The following PCDHA8 variants were observed in gnomAD, a reference collection of about 807,000 sequenced individuals.
The protein encoded by PCDHA8 is protocadherin alpha-8.
In PCDHA8, 53 loss-of-function variants were observed where a neutral mutation model predicts 61.8. That is an observed-to-expected ratio of 0.86 (90% CI 0.69 to 1.08). The LOEUF is 1.08. Among genes scored for constraint, PCDHA8 ranks in the 50% least tolerant of loss-of-function variants. PCDHA8 has a pLI of 0.00. For synonymous variants in PCDHA8, 618 were observed against 556.6 expected (o/e 1.11, Z -1.55); for missense variants, 1,293 against 1,245.0 (o/e 1.04, Z -0.58).
rs186179297 is a variant in PCDHA8, at chr5:140,987,139, G to A, written c.2542+4576G>A. Among the ~76,000 whole-genome samples the A allele has an allele frequency of 5.1e-4, 78 of 151,932 alleles. 3 individuals are homozygous for A. The East Asian group carries it at 0.014, about 28-fold the overall frequency. On this transcript the variant is annotated intron_variant, in intron 3 of 3. Transcript: ENST00000531613. The stretch of plus-strand genomic sequence containing the variant: ...TGAGGCAGGAGAATTGCTTGAACTC[G>A]GGAGGTGGAGGTTGCAGTGAGCTGA...
At chr5:140,928,452 G>T in intron 1 of PCDHA8, 3 of 1,614,126 alleles carry the variant, frequency 1.9e-6, no homozygotes, top group Non-Finnish European at 2.5e-6. Flanking sequence ...AGCTCAGGGG[G>T]TTTCATTTCC....
chr5:140,980,575 A>C (rs901433332), intron 2 of PCDHA8, among the ~76,000 whole-genome samples: 3 of 152,296 alleles, frequency 2.0e-5, no homozygotes, highest in Admixed American at 1.3e-4. Context: ...AGTTGCAGTG[A>C]GCCAAGATCG....
intron 1 of PCDHA8, chr5:140,875,355 T>A: frequency 6.9e-7 from 1 of 1,446,356 alleles, no homozygotes; most frequent in African/African-American, 1.4e-5. Context: ...ATGACTGTGA[T>A]GCTGGAAAAA....
At chr5:140,857,963 A>G (rs630162) in intron 1 of PCDHA8, 997,914 of 1,595,004 alleles carry the variant, frequency 0.63, 344,648 homozygotes, top group African/African-American at 0.69. Context: ...TCTGGATGAG[A>G]CTGACTCGCC....
chr5:140,883,859 T>C (rs1554180306), intron 1 of PCDHA8: 12 of 1,613,116 alleles, frequency 7.4e-6, no homozygotes, highest in East Asian at 2.2e-5. Context: ...GCTGGAGCTG[T>C]TGCAGTTCCA....
rs1366864610 is a variant in PCDHA8 at position 141,006,125 on chromosome 5, G to A, written c.2543-3502G>A. ...AAGGAGTTTTTTTTTTTTTTCTCAA[G>A]GCAGTAGAAAGCTTAAGCAGAGGAG... On this transcript the variant is annotated intron_variant, in intron 3 of 3. Transcript: ENST00000531613. 4.7e-5 allele frequency among the ~76,000 whole-genome samples: 7 copies of A among 149,644 alleles called. No individual in the cohort carries two copies. The South Asian group carries it at 1.3e-3, about 27-fold the overall frequency.
intron 1 of PCDHA8, among the ~76,000 whole-genome samples, chr5:140,948,814 A>G (rs1284322137): frequency 1.3e-5 from 2 of 151,134 alleles, no homozygotes; most frequent in African/African-American, 4.8e-5. Context: ...TTTGGTTTCT[A>G]TTTCATTAAT....
At chr5:141,005,861 C>T (rs921854027) in intron 3 of PCDHA8, among the ~76,000 whole-genome samples, 2 of 151,860 alleles carry the variant, frequency 1.3e-5, no homozygotes, top group Admixed American at 6.6e-5. Flanking sequence ...ACAGGAGGGT[C>T]GATTGAGTCC....
At chr5:140,910,619 C>T (rs1554194336) in intron 1 of PCDHA8, among the ~76,000 whole-genome samples, 1 of 152,226 alleles carries the variant, frequency 6.6e-6, no homozygotes, top group Non-Finnish European at 1.5e-5. Context: ...TAATCCACTC[C>T]ACCATCCCAA....
intron 1 of PCDHA8, chr5:140,848,468 C>A: frequency 6.5e-7 from 1 of 1,547,824 alleles, no homozygotes; most frequent in African/African-American, 1.4e-5. Context: ...GCAATTTTCA[C>A]TAATTAGAAG....
At chr5:140,917,326 G>GT (rs1425389614) in intron 1 of PCDHA8, among the ~76,000 whole-genome samples, 1 of 149,490 alleles carries the variant, frequency 6.7e-6, no homozygotes, top group Non-Finnish European at 1.5e-5. Flanking sequence ...TCATGTGGCG[G>GT]GGGAGGGGGG....
chr5:140,954,441 G>A (rs1411694581), intron 1 of PCDHA8, among the ~76,000 whole-genome samples: 2 of 151,498 alleles, frequency 1.3e-5, no homozygotes, highest in Non-Finnish European at 3.0e-5. Flanking sequence ...TGTTGTTTCT[G>A]GACTTGTTAA....
chr5:140,929,020 A>C (rs1183262810), intron 1 of PCDHA8: 6 of 1,614,070 alleles, frequency 3.7e-6, no homozygotes, highest in Non-Finnish European at 5.1e-6. Flanking sequence ...GTTGCACCAG[A>C]GCCCAGGCTG....
chr5:140,900,151 G>A lies in PCDHA8; in HGVS notation c.2394+56436G>A, dbSNP rs114795695. On this transcript the variant is annotated intron_variant, in intron 1 of 3. Coordinates refer to ENST00000531613, the MANE Select transcript of PCDHA8 (RefSeq NM_018911.3). ...GTACCACAAATAAGTAAGAACATAC[G>A]ATATTTGTCTTTCTGTGCCTGGTTT... is the stretch of plus-strand genomic sequence containing the variant. Among the ~76,000 whole-genome samples, 787 of 152,242 alleles carry A rather than the reference G, an allele frequency of 5.2e-3. 9 individuals carry two copies. Among genetic ancestry groups the A allele is most frequent in the African/African-American group, 0.018 (746 of 41,554 alleles).
intron 1 of PCDHA8, chr5:140,857,742 T>A (rs375305711): frequency 1.3e-6 from 2 of 1,597,392 alleles, no homozygotes; most frequent in Non-Finnish European, 1.7e-6. Flanking sequence ...CCCGCGCTGC[T>A]GGCGTCTCCC....
In PCDHA8 at chr5:141,009,987, A is replaced by C. The variant is rs2154001821; in HGVS notation, c.*50A>C. The C allele has an allele frequency of 6.3e-7, 1 of 1,580,396 alleles. No individual in the cohort carries two copies. Among genetic ancestry groups the C allele is most frequent in the East Asian group, 2.2e-5 (1 of 44,670 alleles). On this transcript the variant is annotated 3_prime_UTR_variant, in exon 4 of 4. Coordinates refer to ENST00000531613, the MANE Select transcript of PCDHA8 (RefSeq NM_018911.3). The stretch of plus-strand genomic sequence containing the variant: ...TTAGCCAGTTTTTGTAATAATGGCA[A>C]ATCTCTCCCATGTAGCAATTCCCTG...
chr5:140,912,113 A>C (rs1477558453), intron 1 of PCDHA8, among the ~76,000 whole-genome samples: 3 of 152,182 alleles, frequency 2.0e-5, no homozygotes, highest in African/African-American at 7.2e-5. Flanking sequence ...GTAGGCTGGG[A>C]GGCTAAGTCA....
In PCDHA8 at chr5:140,968,743, C is replaced by G. The variant is rs112674082; in HGVS notation, c.2395-10206C>G. Reference sequence around the variant, plus strand: ...AGAGTGGTAGCACTTTCAACCTGACCGTGGTGGTCCGAGATAATGGAGAGC... The same window carrying G: ...AGAGTGGTAGCACTTTCAACCTGACGGTGGTGGTCCGAGATAATGGAGAGC... On this transcript the variant is annotated intron_variant, in intron 1 of 3. Transcript: ENST00000531613. 10 of 1,614,060 alleles carry G rather than the reference C, an allele frequency of 6.2e-6. No homozygotes were observed. The South Asian group carries it at 9.9e-5, about 16-fold the overall frequency.
chr5:140,876,764 G>A (rs1562718507), intron 1 of PCDHA8: 3 of 1,614,220 alleles, frequency 1.9e-6, no homozygotes, highest in Non-Finnish European at 2.5e-6. Context: ...CGGGATGGGG[G>A]CTCGCCTTCG....
Sources: gnomAD v4.1 joint callset for allele counts (sites outside exome capture counted in the v4.1 genomes callset) on GRCh38, gnomAD v4.1.1 for gene constraint, MANE v1.5 for transcripts, NCBI Gene and HGNC (gene_info 2026-07-23, HGNC 2026-07-21) for gene names.